Variants in MANEAL observed in about 807,000 individuals in gnomAD.
MANEAL encodes the protein mannosidase endo-alpha like.
In MANEAL, 28 loss-of-function variants were observed where a neutral mutation model predicts 35.9. The ratio of observed to expected loss-of-function variants is 0.78; its 90% CI spans 0.58 to 1.07. MANEAL has a LOEUF of 1.07. Among genes scored for constraint, MANEAL ranks in the 50% least tolerant of loss-of-function variants. MANEAL has a pLI of 0.00. For missense variants in MANEAL, 576 were observed against 629.6 expected (o/e 0.91, Z 0.91); for synonymous variants, 286 against 272.2 (o/e 1.05, Z -0.50).
chr1:37,796,693 G>A, intron 2 of MANEAL, 51 bp from the exon 3 acceptor site: 1 of 1,503,664 alleles, frequency 6.7e-7, no homozygotes, highest in Admixed American at 1.9e-5. Flanking sequence ...CTGATATGTT[G>A]TGGCCCCTAG....
At position 37,800,207 on chromosome 1, in the gene MANEAL, G is replaced by A. The variant is rs555968118; in HGVS notation, c.*4G>A. 113 of 1,611,156 alleles carry A rather than the reference G, an allele frequency of 7.0e-5. 1 individual carries two copies. In the South Asian group the frequency reaches 1.2e-3, roughly 18 times the overall value. On this transcript the variant is annotated 3_prime_UTR_variant, in exon 4 of 4. Transcript: ENST00000373045. ...GAAGGAGCAGTGGCTCATGTGAGGG[G>A]CCTGTAAATGGGCGTGAGGTGCTGA...
intron 2 of MANEAL, among the ~76,000 whole-genome samples, chr1:37,796,409 A>C (rs1646645250): frequency 6.6e-6 from 1 of 152,240 alleles, no homozygotes; most frequent in Non-Finnish European, 1.5e-5. Flanking sequence ...AGATCACAGC[A>C]GTTTTCCACT....
In MANEAL at chr1:37,794,004, G is replaced by A; in HGVS notation, c.-179G>A. 1 of 217,134 alleles carries A rather than the reference G, an allele frequency of 4.6e-6. No homozygotes were observed. The highest frequency in any genetic ancestry group is 8.2e-6 in the Non-Finnish European group (1 of 122,144). 13.5% of individuals were successfully genotyped at this position (217,134 alleles called of 1,614,324 possible). A position where few individuals can be genotyped will look rare whatever the true frequency, so the allele number is the denominator to read the frequency against. ...TTCCCCCTCGGCTCGCGGCCACTTGGTCCGCGCCGCCTGCGTCCTGTGTGC... is the reference window on the plus strand; with the variant it reads ...TTCCCCCTCGGCTCGCGGCCACTTGATCCGCGCCGCCTGCGTCCTGTGTGC... On this transcript the variant is annotated 5_prime_UTR_variant, in exon 1 of 4. Transcript: ENST00000373045. The surrounding 1 kb of genome is among the most constrained non-coding windows in gnomAD (Gnocchi z 5.7).
rs1429013418 is a variant in MANEAL at position 37,794,231 on chromosome 1, C to T, written c.49C>T (p.Leu17Phe). 2.6e-5 allele frequency: 34 copies of T among 1,332,072 alleles called. No homozygotes were observed. The highest frequency in any genetic ancestry group is 3.3e-5 in the Non-Finnish European group (34 of 1,023,762). 82.5% of individuals were successfully genotyped at this position (1,332,072 alleles called of 1,614,324 possible). A position where few individuals can be genotyped will look rare whatever the true frequency, so the allele number is the denominator to read the frequency against. ...RACIALFLVL[L>F]FAFGTLMGLR... ...CTGCATCGCTCTGTTCCTGGTGCTG[C>T]TCTTCGCCTTCGGCACCCTCATGGG... The change falls in exon 1 of 4, where the codon CTC becomes TTC. Residue 17 changes from leucine to phenylalanine, a missense_variant. Around this residue, in one of 3 missense-constraint regions of MANEAL, gnomAD observed 122 missense variants for 97.2 expected, o/e 1.26. Coordinates refer to ENST00000373045, the MANE Select transcript of MANEAL (RefSeq NM_001113482.2). This position sits in a 1 kb window ranked among gnomAD's most constrained non-coding sequence, Gnocchi z 5.7.
chr1:37,794,088 C>A lies in MANEAL; in HGVS notation c.-95C>A, dbSNP rs1646620251. ...GCCGCCCACGCCGCGCTCTGCCGGGCGCACAGTCTGCCTGGGAAGCGCGCG... is the reference window on the plus strand; with the variant it reads ...GCCGCCCACGCCGCGCTCTGCCGGGAGCACAGTCTGCCTGGGAAGCGCGCG... On this transcript the variant is annotated 5_prime_UTR_variant, in exon 1 of 4. Transcript: ENST00000373045. The surrounding 1 kb of genome is among the most constrained non-coding windows in gnomAD (Gnocchi z 5.7). The A allele has an allele frequency of 1.2e-6, 1 of 864,630 alleles. No homozygotes were observed. Among genetic ancestry groups the A allele is most frequent in the Non-Finnish European group, 1.4e-6 (1 of 704,288 alleles). The allele number at this position is 864,630 out of a possible 1,614,324, so 53.6% of individuals were successfully genotyped here. A position where few individuals can be genotyped will look rare whatever the true frequency, so the allele number is the denominator to read the frequency against.
chr1:37,800,449 G>A lies in MANEAL; in HGVS notation c.*246G>A. 1 of 569,354 alleles carries A rather than the reference G, an allele frequency of 1.8e-6. No individual in the cohort carries two copies. Among genetic ancestry groups the A allele is most frequent in the Non-Finnish European group, 3.1e-6 (1 of 319,384 alleles). The allele number at this position is 569,354 out of a possible 1,614,324, so 35.3% of individuals were successfully genotyped here. A position where few individuals can be genotyped will look rare whatever the true frequency, so the allele number is the denominator to read the frequency against. ...CTGGCAGGTGACTGAACTTAGCCCA[G>A]GGCAGCTCCACATCCTGGGAACACT... On this transcript the variant is annotated 3_prime_UTR_variant, in exon 4 of 4. Transcript: ENST00000373045.
chr1:37,795,541 T>C (rs1646638280), intron 1 of MANEAL, 196 bp from the exon 2 acceptor site: 2 of 1,401,892 alleles, frequency 1.4e-6, no homozygotes, highest in Non-Finnish European at 1.9e-6. Context: ...CCGCAGGCGC[T>C]CCGCTTCAGC....
chr1:37,794,602 C>A lies in MANEAL; in HGVS notation c.420C>A (p.Ser140Arg), dbSNP rs749726102. The change falls in exon 1 of 4, where the codon AGC becomes AGA. Residue 140 changes from serine to arginine, a missense_variant. By Grantham distance (110) the Ser-to-Arg change is moderately radical. Transcript: ENST00000373045. This position sits in a 1 kb window ranked among gnomAD's most constrained non-coding sequence, Gnocchi z 5.7. ...ACTGGGACCCCAAGATCTCGGCCAG[C>A]TACCCCCGCGGCCGCCACAGCCCCC... ...VPHWDPKISASYPRGRHSPPD... is the reference protein window; with the variant it reads ...VPHWDPKISARYPRGRHSPPD... The A allele has an allele frequency of 3.1e-6, 5 of 1,611,482 alleles. No homozygotes were observed. The highest frequency in any genetic ancestry group is 4.2e-6 in the Non-Finnish European group (5 of 1,179,564).
Position 37,799,842 on chromosome 1 carries a change from A to G in MANEAL, c.1013A>G (p.Gln338Arg). The change falls in exon 4 of 4, where the codon CAG becomes CGG. Residue 338 changes from glutamine to arginine, a missense_variant. Coordinates refer to ENST00000373045, the MANE Select transcript of MANEAL (RefSeq NM_001113482.2). The surrounding 1 kb of genome is among the most constrained non-coding windows in gnomAD (Gnocchi z 4.1). ...SNGFSFGSSH[Q>R]NWKAVKNFCD... Reference sequence around the variant, plus strand: ...GGTTTCTCCTTTGGTTCTTCCCATCAGAACTGGAAAGCTGTGAAGAACTTT... The same window carrying G: ...GGTTTCTCCTTTGGTTCTTCCCATCGGAACTGGAAAGCTGTGAAGAACTTT... 1 of 1,614,222 alleles carries G rather than the reference A, an allele frequency of 6.2e-7. No individual in the cohort carries two copies. The highest frequency in any genetic ancestry group is 8.5e-7 in the Non-Finnish European group (1 of 1,180,040).
chr1:37,798,467 C>T (rs1483989924), intron 3 of MANEAL, among the ~76,000 whole-genome samples: 2 of 152,264 alleles, frequency 1.3e-5, no homozygotes, highest in East Asian at 3.9e-4. Flanking sequence ...TGGTGGCTCA[C>T]ACCTGTAATC....
Position 37,799,737 on chromosome 1 carries a change from C to T in MANEAL, c.908C>T (p.Ala303Val). 2 of 1,614,206 alleles carry T rather than the reference C, an allele frequency of 1.2e-6. No homozygotes were observed. Among genetic ancestry groups the T allele is most frequent in the Non-Finnish European group, 1.7e-6 (2 of 1,180,050 alleles). ...ACGCCCTACGATGGGGTCTTCATAGCGCTGCTGGTGGAGGAGGGCCACACC... is the reference window on the plus strand; with the variant it reads ...ACGCCCTACGATGGGGTCTTCATAGTGCTGCTGGTGGAGGAGGGCCACACC... ...RNTPYDGVFI[A>V]LLVEEGHTHD... The change falls in exon 4 of 4, where the codon GCG (alanine) becomes GTG (valine). Residue 303 changes from alanine to valine, a missense_variant. Physicochemically the swap from Ala to Val is moderately conservative, Grantham distance 64. This residue lies in a region of MANEAL where 449 missense variants were observed against 516.1 expected (regional missense o/e 0.87). Transcript: ENST00000373045. This position sits in a 1 kb window ranked among gnomAD's most constrained non-coding sequence, Gnocchi z 4.1.
chr1:37,796,656 C>T lies in MANEAL; in HGVS notation c.661-88C>T. The stretch of plus-strand genomic sequence containing the variant: ...AGGCCCTCTTCTGAACTCAGCCTCT[C>T]CTCCAGGCCATGGTTAGATCCTGAG... On this transcript the variant is annotated intron_variant, in intron 2 of 3. Transcript: ENST00000373045. The T allele has an allele frequency of 4.8e-6, 6 of 1,261,980 alleles. No individual in the cohort carries two copies. In the Admixed American group the frequency reaches 1.0e-4, roughly 21 times the overall value. The allele number at this position is 1,261,980 out of a possible 1,614,324, so 78.2% of individuals were successfully genotyped here. A position where few individuals can be genotyped will look rare whatever the true frequency, so the allele number is the denominator to read the frequency against.
intron 1 of MANEAL, among the ~76,000 whole-genome samples, chr1:37,795,030 G>A (rs1646633447): frequency 6.6e-6 from 1 of 152,188 alleles, no homozygotes; most frequent in African/African-American, 2.4e-5. Context: ...AATTTGTTGG[G>A]CGATGGGAAG....
chr1:37,794,294 C>G lies in MANEAL; in HGVS notation c.112C>G (p.Leu38Val). 8.1e-7 allele frequency: 1 copy of G among 1,231,084 alleles called. No homozygotes were observed. The highest frequency in any genetic ancestry group is 1.0e-6 in the Non-Finnish European group (1 of 975,322). 76.3% of individuals were successfully genotyped at this position (1,231,084 alleles called of 1,614,324 possible). A position where few individuals can be genotyped will look rare whatever the true frequency, so the allele number is the denominator to read the frequency against. Residue 38 changes from leucine to valine, a missense_variant, in exon 1 of 4, where the codon CTG becomes GTG. By Grantham distance (32) the Leu-to-Val change is conservative. Coordinates refer to ENST00000373045, the MANE Select transcript of MANEAL (RefSeq NM_001113482.2). This position sits in a 1 kb window ranked among gnomAD's most constrained non-coding sequence, Gnocchi z 5.7. ...CAAGGCTCCGGACGGACTCCCGGCG[C>G]TGGGCCCGGGCCTGGAGCTGGCGCC... ...TLKAPDGLPA[L>V]GPGLELAPFE...
chr1:37,795,698 A>G (rs973023410), intron 1 of MANEAL, 39 bp from the exon 2 acceptor site: 45 of 1,613,316 alleles, frequency 2.8e-5, no homozygotes, highest in Non-Finnish European at 3.6e-5. Flanking sequence ...TGAGGGGGGT[A>G]CTGTGTGTCT....
Position 37,799,480 on chromosome 1 carries a change from G to T in MANEAL, c.738-87G>T. On this transcript the variant is annotated intron_variant, in intron 3 of 3. Coordinates refer to ENST00000373045, the MANE Select transcript of MANEAL (RefSeq NM_001113482.2). This position sits in a 1 kb window ranked among gnomAD's most constrained non-coding sequence, Gnocchi z 4.1. ...GACTGACTGGCTCCAGAACTGGGCT[G>T]TGTTGCATCCGTATCTCATCCACGG... The T allele has an allele frequency of 6.9e-7, 1 of 1,441,164 alleles. No homozygotes were observed. Among genetic ancestry groups the T allele is most frequent in the Non-Finnish European group, 9.4e-7 (1 of 1,067,098 alleles). 89.3% of individuals were successfully genotyped at this position (1,441,164 alleles called of 1,614,324 possible).
At position 37,799,926 on chromosome 1, in the gene MANEAL, G is replaced by A. The variant is rs761664100; in HGVS notation, c.1097G>A (p.Ser366Asn). ...GTGGGGCCTGGCTACATAGACACCA[G>A]CATTCGGCCCTGGAACAACCACAAT... ...PSVGPGYIDT[S>N]IRPWNNHNTR... The change falls in exon 4 of 4, where the codon AGC becomes AAC. Residue 366 changes from serine (S) to asparagine (N), a missense_variant. Coordinates refer to ENST00000373045, the MANE Select transcript of MANEAL (RefSeq NM_001113482.2). This position sits in a 1 kb window ranked among gnomAD's most constrained non-coding sequence, Gnocchi z 4.1. 6.2e-7 allele frequency: 1 copy of A among 1,614,102 alleles called. No homozygotes were observed. Among genetic ancestry groups the A allele is most frequent in the South Asian group, 1.1e-5 (1 of 91,086 alleles).
At position 37,796,762 on chromosome 1, in the gene MANEAL, C is replaced by A; in HGVS notation, c.679C>A (p.Pro227Thr). ...YSIQVAFHIQPYKGRDDITVH... is the reference protein window; with the variant it reads ...YSIQVAFHIQTYKGRDDITVH... ...GTGGCAGGTGGCCTTCCACATCCAA[C>A]CCTACAAGGGCCGGGATGACATCAC... Residue 227 changes from proline to threonine, a missense_variant, in exon 3 of 4, where the codon CCC becomes ACC. Around this residue, in one of 3 missense-constraint regions of MANEAL, gnomAD observed 449 missense variants for 516.1 expected, o/e 0.87. Transcript: ENST00000373045. 4 of 1,601,406 alleles carry A rather than the reference C, an allele frequency of 2.5e-6. No individual in the cohort carries two copies. Among genetic ancestry groups the A allele is most frequent in the Non-Finnish European group, 3.4e-6 (4 of 1,174,338 alleles).
In MANEAL at chr1:37,795,836, A is replaced by G; in HGVS notation, c.650A>G (p.Tyr217Cys). The change falls in exon 2 of 4, where the codon TAC becomes TGC. Residue 217 changes from tyrosine to cysteine, a missense_variant. By Grantham distance (194) the Tyr-to-Cys change is radical. This residue lies in a region of MANEAL where 449 missense variants were observed against 516.1 expected (regional missense o/e 0.87). Coordinates refer to ENST00000373045, the MANE Select transcript of MANEAL (RefSeq NM_001113482.2). ...VPAILDTAHQYSIQVAFHIQP... is the reference protein window; with the variant it reads ...VPAILDTAHQCSIQVAFHIQP... ...GCCATTCTGGACACCGCCCATCAGT[A>G]CAGCATCCAGGTGAGTCTCCAAGAA... 6.2e-7 allele frequency: 1 copy of G among 1,613,976 alleles called. No individual in the cohort carries two copies. Among genetic ancestry groups the G allele is most frequent in the Non-Finnish European group, 8.5e-7 (1 of 1,179,928 alleles).
Sources: allele counts gnomAD v4.1 joint callset (sites outside exome capture counted in the v4.1 genomes callset), GRCh38; gene constraint gnomAD v4.1.1; regional missense constraint gnomAD v4.1.1; non-coding constraint Gnocchi (gnomAD v3.1); transcripts MANE v1.5; gene names NCBI Gene and HGNC (gene_info 2026-07-23, HGNC 2026-07-21).